DENND4A: variants seen among roughly 807,000 people sequenced by gnomAD.
The protein encoded by DENND4A is DENN domain containing 4A.
DENND4A carries 70 observed loss-of-function variants against 199.3 expected under a neutral mutation model. The observed-to-expected ratio is 0.35, with a 90% CI of 0.29 to 0.43. The LOEUF is 0.43. DENND4A is among the 20% of genes least tolerant of loss of function. The pLI is 1.00. For synonymous variants in DENND4A, 686 were observed against 766.9 expected (o/e 0.89, Z 1.74); for missense variants, 1,723 against 2,255.8 (o/e 0.76, Z 4.78).
At chr15:65,703,098 A>C in intron 15 of DENND4A, 90 bp from the exon 16 acceptor site, 1 of 1,175,460 alleles carries the variant, frequency 8.5e-7, no homozygotes, top group Non-Finnish European at 1.2e-6. Flanking sequence ...AATTACGACC[A>C]ATAACTTCTT....
chr15:65,779,983 T>A (rs541652969), intron 1 of DENND4A, among the ~76,000 whole-genome samples: 11 of 152,132 alleles, frequency 7.2e-5, no homozygotes, highest in Non-Finnish European at 1.3e-4. Flanking sequence ...CAAGTGATCC[T>A]CCTGCTTGGC....
At chr15:65,706,680 G>C (rs1023456260) in intron 14 of DENND4A, among the ~76,000 whole-genome samples, 2 of 152,066 alleles carry the variant, frequency 1.3e-5, no homozygotes, top group Non-Finnish European at 2.9e-5. Flanking sequence ...ATTTTTAGTA[G>C]AGACGGGGTT....
intron 5 of DENND4A, among the ~76,000 whole-genome samples, chr15:65,740,186 T>C (rs2076220162): frequency 6.7e-6 from 1 of 148,534 alleles, no homozygotes; most frequent in South Asian, 2.1e-4. Flanking sequence ...GTAAACAAAA[T>C]AGAGGAACGG....
At chr15:65,695,248 G>A (rs1361489354) in intron 22 of DENND4A, among the ~76,000 whole-genome samples, 1 of 152,110 alleles carries the variant, frequency 6.6e-6, no homozygotes, top group African/African-American at 2.4e-5. Flanking sequence ...GTCTTTGCAG[G>A]CCATGTGGTC....
intron 4 of DENND4A, among the ~76,000 whole-genome samples, chr15:65,751,099 T>C (rs2076550025): frequency 6.6e-6 from 1 of 152,144 alleles, no homozygotes; most frequent in South Asian, 2.1e-4. Flanking sequence ...CCTAGCTCTT[T>C]AAAGAAAAAA....
chr15:65,677,207 A>G (rs1048952268), intron 23 of DENND4A, among the ~76,000 whole-genome samples: 16 of 152,112 alleles, frequency 1.1e-4, no homozygotes, highest in African/African-American at 3.9e-4. Context: ...ATTTTTAATC[A>G]TATAGGGCAA....
In DENND4A at chr15:65,729,221, G is replaced by A. The variant is rs762472509; in HGVS notation, c.1338C>T (p.Cys446=). 1.3e-6 allele frequency: 2 copies of A among 1,582,476 alleles called. No homozygotes were observed. Among genetic ancestry groups the A allele is most frequent in the African/African-American group, 1.3e-5 (1 of 74,446 alleles). The change falls in exon 11 of 33, where the codon TGC becomes TGT. Residue 446 remains cysteine, a synonymous_variant. Coordinates refer to ENST00000443035, the MANE Select transcript of DENND4A (RefSeq NM_001320835.1). ...VSMIFPFHWP[C]PYVPLCPLAL... ...CCAGTGGGCAGAGAGGAACATACGGGCATGGCCAGTGGAAAGGGAAAATCA... is the reference window on the plus strand; with the variant it reads ...CCAGTGGGCAGAGAGGAACATACGGACATGGCCAGTGGAAAGGGAAAATCA...
At chr15:65,677,312 C>A (rs1481556645) in intron 23 of DENND4A, among the ~76,000 whole-genome samples, 2 of 152,150 alleles carry the variant, frequency 1.3e-5, no homozygotes, top group Non-Finnish European at 2.9e-5. Context: ...CAGGCTCAAG[C>A]AATCCTCCTT....
At chr15:65,736,617 T>C (rs1011580011) in intron 7 of DENND4A, among the ~76,000 whole-genome samples, 5 of 152,050 alleles carry the variant, frequency 3.3e-5, no homozygotes, top group Non-Finnish European at 5.9e-5. Context: ...CAGTTTTAGA[T>C]TGCAAATAAC....
At chr15:65,702,811 G>A in intron 16 of DENND4A, 62 bp downstream of exon 16, 2 of 1,436,956 alleles carry the variant, frequency 1.4e-6, no homozygotes, top group Non-Finnish European at 1.9e-6. Flanking sequence ...ATTACGGGAG[G>A]ATAAATATCC....
chr15:65,666,799 A>T (rs1291607366), intron 29 of DENND4A, among the ~76,000 whole-genome samples: 1 of 146,042 alleles, frequency 6.8e-6, no homozygotes, highest in African/African-American at 2.6e-5. Context: ...AAAAAAAAAA[A>T]TTAGGCTTGT....
intron 14 of DENND4A, 46 bp downstream of exon 14, chr15:65,715,432 A>T (rs543308921): frequency 6.5e-7 from 1 of 1,528,638 alleles, no homozygotes; most frequent in African/African-American, 1.4e-5. Flanking sequence ...CATTTATAAC[A>T]GTCACACAAA....
At chr15:65,791,702 GC>G (rs969381236) in intron 1 of DENND4A, among the ~76,000 whole-genome samples, 14 of 130,408 alleles carry the variant, frequency 1.1e-4, no homozygotes, top group South Asian at 2.7e-4. Flanking sequence ...CCCCCTCCCC[GC>G]CCCCACTCCC....
At chr15:65,736,969 T>G (rs143551706) in intron 7 of DENND4A, among the ~76,000 whole-genome samples, 1 of 152,344 alleles carries the variant, frequency 6.6e-6, no homozygotes, top group Non-Finnish European at 1.5e-5. Context: ...TAAAATAAAT[T>G]GATCTGGCGA....
intron 5 of DENND4A, among the ~76,000 whole-genome samples, chr15:65,740,790 T>C (rs1401981059): frequency 6.6e-6 from 1 of 151,832 alleles, no homozygotes; most frequent in Non-Finnish European, 1.5e-5. Flanking sequence ...AGAAAGACCC[T>C]GTCTCTACAA....
chr15:65,767,302 A>G (rs569647217), intron 1 of DENND4A: 26 of 152,304 alleles, frequency 1.7e-4, no homozygotes, highest in African/African-American at 5.8e-4. Context: ...CTAACATACC[A>G]TATGTCTTAT....
chr15:65,670,980 A>G (rs1417028607), intron 25 of DENND4A, among the ~76,000 whole-genome samples: 2 of 152,226 alleles, frequency 1.3e-5, no homozygotes, highest in African/African-American at 4.8e-5. Flanking sequence ...GTGAAAAAGT[A>G]TAACTTTTTC....
intron 29 of DENND4A, among the ~76,000 whole-genome samples, chr15:65,666,050 A>G (rs2076025458): frequency 6.6e-6 from 1 of 152,228 alleles, no homozygotes; most frequent in African/African-American, 2.4e-5. Flanking sequence ...AGGAATGACG[A>G]GAGTGGTAGC....
At chr15:65,735,206 TG>T (rs2076079328) in intron 7 of DENND4A, among the ~76,000 whole-genome samples, 1 of 151,968 alleles carries the variant, frequency 6.6e-6, no homozygotes, top group Non-Finnish European at 1.5e-5. Flanking sequence ...GGTAAAACCC[TG>T]TCTCTACCAA....
Sources: gnomAD v4.1 joint callset for allele counts (sites outside exome capture counted in the v4.1 genomes callset) on GRCh38, gnomAD v4.1.1 for gene constraint, MANE v1.5 for transcripts, NCBI Gene and HGNC (gene_info 2026-07-23, HGNC 2026-07-21) for gene names.